The following STXBP3 variants were observed in gnomAD, a reference collection of about 807,000 sequenced individuals.
The protein encoded by STXBP3 is syntaxin binding protein 3, also known as syntaxin-binding protein 3.
Under a neutral mutation model 85.7 loss-of-function variants are expected in STXBP3, and 41 were observed. That is an observed-to-expected ratio of 0.48 (90% CI 0.37 to 0.62). STXBP3 has a LOEUF of 0.62. Ranked by LOEUF, STXBP3 falls within the 20% of genes least tolerant of loss-of-function variation. The pLI, the probability that STXBP3 is intolerant of heterozygous loss-of-function variation, is 0.00. For missense variants in STXBP3, 563 were observed against 703.1 expected (o/e 0.80, Z 2.25); for synonymous variants, 229 against 231.7 (o/e 0.99, Z 0.10).
intron 1 of STXBP3, among the ~76,000 whole-genome samples, chr1:108,749,227 TAGACAA>T (rs1050997648): frequency 1.3e-5 from 2 of 151,996 alleles, no homozygotes; most frequent in African/African-American, 2.4e-5. Context: ...AAGGAGGAAA[TAGACAA>T]AGACAATGAC....
chr1:108,753,432 A>G (rs935880267), intron 3 of STXBP3, among the ~76,000 whole-genome samples: 2 of 151,918 alleles, frequency 1.3e-5, no homozygotes, highest in African/African-American at 4.8e-5. Context: ...AATTTTGTAT[A>G]TTGATACACA....
At chr1:108,751,085 A>G (rs1384302567) in intron 1 of STXBP3, among the ~76,000 whole-genome samples, 1 of 152,144 alleles carries the variant, frequency 6.6e-6, no homozygotes, top group Non-Finnish European at 1.5e-5. Flanking sequence ...TATAAGCATG[A>G]ATGATTACAT....
At chr1:108,761,382 G>C (rs1466928532) in intron 6 of STXBP3, among the ~76,000 whole-genome samples, 1 of 152,168 alleles carries the variant, frequency 6.6e-6, no homozygotes, top group African/African-American at 2.4e-5. Flanking sequence ...GTGGTAGTGT[G>C]AGAAATATTA....
intron 6 of STXBP3, among the ~76,000 whole-genome samples, chr1:108,763,678 C>T (rs1407321912): frequency 2.0e-5 from 3 of 151,984 alleles, no homozygotes; most frequent in South Asian, 2.1e-4. Flanking sequence ...CGAGTTCAAG[C>T]GATTCTCCTG....
In STXBP3 at chr1:108,746,726, AGTG is replaced by A; in HGVS notation, c.-11_-9del. 1 of 1,549,018 alleles carries A rather than the reference AGTG, an allele frequency of 6.5e-7. No individual in the cohort carries two copies. The highest frequency in any genetic ancestry group is 2.5e-5 in the East Asian group (1 of 40,616). On this transcript the variant is annotated 5_prime_UTR_variant, in exon 1 of 19. Coordinates refer to ENST00000370008, the MANE Select transcript of STXBP3 (RefSeq NM_007269.4). ...TGGAAGGTGGTGGCTGCTGCTCCGC[AGTG>A]TCGGGAAGATGGCGCCGCCGGTGGC... is the stretch of plus-strand genomic sequence containing the variant.
chr1:108,800,113 T>C (rs550309107), intron 16 of STXBP3, 107 bp from the exon 17 acceptor site: 2 of 733,794 alleles, frequency 2.7e-6, no homozygotes. Context: ...ATACTAAATA[T>C]TTATGTCTAA....
chr1:108,753,578 T>C (rs1661954001), intron 3 of STXBP3, among the ~76,000 whole-genome samples: 1 of 152,162 alleles, frequency 6.6e-6, no homozygotes, highest in African/African-American at 2.4e-5. Context: ...TTTATCTTTA[T>C]TACCAGAAAT....
At chr1:108,775,612 G>GAAA (rs1242523733) in intron 7 of STXBP3, among the ~76,000 whole-genome samples, 1 of 151,942 alleles carries the variant, frequency 6.6e-6, no homozygotes, top group African/African-American at 2.4e-5. Flanking sequence ...TTCTGCATGA[G>GAAA]AATTGTTTTC....
chr1:108,801,750 ACTC>A (rs1039329089), intron 17 of STXBP3, among the ~76,000 whole-genome samples: 4 of 151,374 alleles, frequency 2.6e-5, no homozygotes, highest in African/African-American at 9.7e-5. Context: ...CTTACTATAA[ACTC>A]AAACGCATGG....
chr1:108,775,731 C>G (rs1662574312), intron 7 of STXBP3, among the ~76,000 whole-genome samples: 4 of 152,054 alleles, frequency 2.6e-5, no homozygotes, highest in Admixed American at 2.0e-4. Context: ...TTGTAAATGT[C>G]AAGATCCATT....
rs559050838 is a variant in STXBP3, at chr1:108,769,251, G to T, written c.439-3414G>T. 3.3e-5 allele frequency among the ~76,000 whole-genome samples: 5 copies of T among 152,256 alleles called. No individual in the cohort carries two copies. In the East Asian group the frequency reaches 7.7e-4, roughly 24 times the overall value. On this transcript the variant is annotated intron_variant, in intron 6 of 18. Coordinates refer to ENST00000370008, the MANE Select transcript of STXBP3 (RefSeq NM_007269.4). The stretch of plus-strand genomic sequence containing the variant: ...TTGTCATTGTCAAGTTGAGTAGGCA[G>T]AGGTGGAGGAAGCGGAGGGATTGAT...
chr1:108,756,122 T>TATA (rs1197463673), intron 3 of STXBP3, among the ~76,000 whole-genome samples: 2 of 152,258 alleles, frequency 1.3e-5, no homozygotes, highest in African/African-American at 4.8e-5. Context: ...TAGCTAATCT[T>TATA]ATAAACTGCT....
At chr1:108,800,161 CCAAA>C (rs1663201590) in intron 16 of STXBP3, 55 bp from the exon 17 acceptor site, 5 of 1,244,180 alleles carry the variant, frequency 4.0e-6, no homozygotes, top group East Asian at 2.3e-5. Flanking sequence ...GACCTTTATG[CCAAA>C]CAAAGTCCTG....
rs751431205 is a variant in STXBP3, at chr1:108,772,716, C to A, written c.490C>A (p.Pro164Thr). The A allele has an allele frequency of 3.1e-6, 5 of 1,601,456 alleles. No homozygotes were observed. The South Asian group carries it at 5.6e-5, about 18-fold the overall frequency. ...DAFYYCYSPD[P>T]GNAKGKDAIM... is the part of the protein sequence containing the mutation. ...ATTCTATTACTGTTATAGTCCAGACCCTGGTAATGCAAAGGGAAAAGATGC... is the reference window on the plus strand; with the variant it reads ...ATTCTATTACTGTTATAGTCCAGACACTGGTAATGCAAAGGGAAAAGATGC... The change falls in exon 7 of 19, where the codon CCT becomes ACT. Residue 164 changes from proline (P) to threonine (T), a missense_variant. This residue lies in a region of STXBP3 where 494 missense variants were observed against 592.8 expected (regional missense o/e 0.83). Transcript: ENST00000370008.
chr1:108,765,636 G>A (rs113648593), intron 6 of STXBP3, among the ~76,000 whole-genome samples: 3,520 of 139,966 alleles, frequency 0.025, 167 homozygotes, highest in African/African-American at 0.089. Flanking sequence ...GTGCAGTGGT[G>A]CAATCTCGTT....
intron 11 of STXBP3, among the ~76,000 whole-genome samples, chr1:108,787,895 T>TCCTC (rs1406248420): frequency 4.6e-5 from 7 of 152,010 alleles, no homozygotes; most frequent in Non-Finnish European, 1.0e-4. Context: ...GCTCAAACGA[T>TCCTC]CCTCCCACCT....
rs199558647 is a variant in STXBP3 at position 108,782,433 on chromosome 1, A to G, written c.821A>G (p.Asp274Gly). The change falls in exon 10 of 19, where the codon GAT becomes GGT. Residue 274 changes from aspartate (D) to glycine (G), a missense_variant. Transcript: ENST00000370008. ...IENDTYKYKT[D>G]GKEKEAILEE... The stretch of plus-strand genomic sequence containing the variant: ...CTGTCTACTTGTAGATATAAAACAG[A>G]TGGAAAAGAAAAGGAGGCCATCCTT... 145 of 1,612,716 alleles carry G rather than the reference A, an allele frequency of 9.0e-5. 2 individuals are homozygous for G. The South Asian group carries it at 1.2e-3, about 13-fold the overall frequency.
At chr1:108,751,438 A>C (rs1167761666) in intron 1 of STXBP3, among the ~76,000 whole-genome samples, 3 of 152,180 alleles carry the variant, frequency 2.0e-5, no homozygotes, top group Non-Finnish European at 4.4e-5. Flanking sequence ...AATTTCCCAA[A>C]AGCATTAACT....
chr1:108,793,780 G>A (rs892350931), intron 12 of STXBP3, 133 bp downstream of exon 12: 24 of 614,666 alleles, frequency 3.9e-5, no homozygotes, highest in Non-Finnish European at 5.4e-6. Flanking sequence ...CCTTACTATA[G>A]GTCTGAGAGA....
Sources: gnomAD v4.1 joint callset for allele counts (sites outside exome capture counted in the v4.1 genomes callset) on GRCh38, gnomAD v4.1.1 for gene constraint, gnomAD v4.1.1 regional missense constraint, MANE v1.5 for transcripts, NCBI Gene and HGNC (gene_info 2026-07-23, HGNC 2026-07-21) for gene names.